The following PIP4K2A variants were observed in gnomAD, a reference collection of about 807,000 sequenced individuals.
PIP4K2A encodes the protein phosphatidylinositol-5-phosphate 4-kinase type 2 alpha, also known as phosphatidylinositol 5-phosphate 4-kinase type-2 alpha.
In PIP4K2A, 14 loss-of-function variants were observed where a neutral mutation model predicts 42.9. The observed-to-expected ratio is 0.33, with a 90% CI of 0.22 to 0.51. The LOEUF (loss-of-function observed/expected upper bound fraction) is 0.51. Ranked by LOEUF, PIP4K2A falls within the 20% of genes least tolerant of loss-of-function variation. The pLI, the probability that PIP4K2A is intolerant of heterozygous loss-of-function variation, is 0.97. For missense variants in PIP4K2A, 434 were observed against 519.8 expected, an observed-to-expected ratio of 0.83 and a Z score of 1.61; for synonymous variants, 192 against 192.2, an observed-to-expected ratio of 1.00 and a Z score of 0.01.
chr10:22,571,966 T>TA (rs1211413637), intron 5 of PIP4K2A, among the ~76,000 whole-genome samples: 4 of 152,256 alleles, frequency 2.6e-5, no homozygotes, highest in African/African-American at 9.6e-5. Flanking sequence ...TTATTTTTCA[T>TA]AAAAATGTTA....
chr10:22,703,681 G>C (rs1296544356), intron 1 of PIP4K2A, among the ~76,000 whole-genome samples: 1 of 152,220 alleles, frequency 6.6e-6, no homozygotes, highest in Non-Finnish European at 1.5e-5. Context: ...GACATGACAT[G>C]AAATCATCTA....
chr10:22,547,715 C>G (rs902507875), intron 7 of PIP4K2A, among the ~76,000 whole-genome samples: 1 of 152,078 alleles, frequency 6.6e-6, no homozygotes, highest in Admixed American at 6.6e-5. Flanking sequence ...GAGGAGAGAC[C>G]AGGGTTGATT....
At position 22,536,414 on chromosome 10, in the gene PIP4K2A, GA is replaced by G; in HGVS notation, c.*786del. On this transcript the variant is annotated 3_prime_UTR_variant, in exon 10 of 10. Coordinates refer to ENST00000376573, the MANE Select transcript of PIP4K2A (RefSeq NM_005028.5). ...TTTTCCTGGACATATTGGCCGAGGT[GA>G]AAAATGTATAGAGAATCACTGGGGC... The G allele has an allele frequency of 7.4e-6, 2 of 271,010 alleles. No homozygotes were observed. The highest frequency in any genetic ancestry group is 1.4e-5 in the Non-Finnish European group (2 of 145,796). The allele number at this position is 271,010 out of a possible 1,614,324, so 16.8% of individuals were successfully genotyped here.
chr10:22,566,609 C>G (rs1217312403), intron 6 of PIP4K2A, among the ~76,000 whole-genome samples: 1 of 152,200 alleles, frequency 6.6e-6, no homozygotes, highest in East Asian at 1.9e-4. Flanking sequence ...TCATCAGCCT[C>G]TCTGACAGGA....
At chr10:22,699,691 T>C (rs1028845567) in intron 1 of PIP4K2A, among the ~76,000 whole-genome samples, 1 of 152,176 alleles carries the variant, frequency 6.6e-6, no homozygotes, top group African/African-American at 2.4e-5. Context: ...AACCAACGAT[T>C]ACATCTTTCT....
intron 1 of PIP4K2A, among the ~76,000 whole-genome samples, chr10:22,623,915 T>C (rs569177995): frequency 6.6e-6 from 1 of 152,314 alleles, no homozygotes; most frequent in African/African-American, 2.4e-5. Flanking sequence ...TTTCATCAGA[T>C]ATGAAAAGAA....
chr10:22,540,191 C>A, intron 8 of PIP4K2A, 117 bp from the exon 9 acceptor site: 1 of 699,998 alleles, frequency 1.4e-6, no homozygotes. Context: ...CAATGGAACG[C>A]GGATGGAAGG....
Position 22,535,153 on chromosome 10 carries a change from C to T in PIP4K2A, c.*2048G>A, listed in dbSNP as rs1340463836. ...TTCTGTAAACTTCTAAAAGCATACA[C>T]AGATTGGCCCCCAAGGAAACAGTTA... On this transcript the variant is annotated 3_prime_UTR_variant, in exon 10 of 10. Coordinates refer to ENST00000376573, the MANE Select transcript of PIP4K2A (RefSeq NM_005028.5). The T allele has an allele frequency of 1.3e-5, 2 of 152,194 alleles. No individual in the cohort carries two copies. The highest frequency in any genetic ancestry group is 2.1e-4 in the South Asian group (1 of 4,828). 9.4% of individuals were successfully genotyped at this position (152,194 alleles called of 1,614,324 possible).
chr10:22,699,857 ACT>A (rs903682339), intron 1 of PIP4K2A, among the ~76,000 whole-genome samples: 3 of 152,178 alleles, frequency 2.0e-5, no homozygotes, highest in Non-Finnish European at 2.9e-5. Context: ...AAACTATGAA[ACT>A]CTATCACCAG....
rs377040174 is a variant in PIP4K2A, at chr10:22,567,710, G to C, written c.678+141C>G. On this transcript the variant is annotated intron_variant, in intron 6 of 9. Transcript: ENST00000376573. ...AGAACTCTCATCGGGTCAATACAGT[G>C]TTTCTCGCTGGTGGCAGCAGAATGG... 3.4e-5 allele frequency: 27 copies of C among 795,866 alleles called. No homozygotes were observed. The African/African-American group carries it at 3.7e-4, about 11-fold the overall frequency. The allele number at this position is 795,866 out of a possible 1,614,324, so 49.3% of individuals were successfully genotyped here. A position where few individuals can be genotyped will look rare whatever the true frequency, so the allele number is the denominator to read the frequency against.
intron 4 of PIP4K2A, among the ~76,000 whole-genome samples, chr10:22,580,596 G>A (rs1288891218): frequency 6.7e-6 from 1 of 149,446 alleles, no homozygotes; most frequent in Non-Finnish European, 1.5e-5. Flanking sequence ...TTCTTTGTAA[G>A]AGTTTAAAGC....
intron 7 of PIP4K2A, among the ~76,000 whole-genome samples, chr10:22,542,910 A>G (rs1256965601): frequency 6.6e-6 from 1 of 152,052 alleles, no homozygotes; most frequent in Non-Finnish European, 1.5e-5. Context: ...TCTGCACAGG[A>G]TCCTGTTCCA....
At chr10:22,568,586 C>A (rs905687992) in intron 5 of PIP4K2A, among the ~76,000 whole-genome samples, 1 of 152,172 alleles carries the variant, frequency 6.6e-6, no homozygotes, top group Non-Finnish European at 1.5e-5. Flanking sequence ...GGCCCTTGAT[C>A]TCAGCAGTTT....
intron 4 of PIP4K2A, among the ~76,000 whole-genome samples, chr10:22,577,035 GCCACTGCA>G (rs960826499): frequency 6.3e-5 from 9 of 142,734 alleles, no homozygotes; most frequent in African/African-American, 2.1e-4. Context: ...CCGAGATTGC[GCCACTGCA>G]CTCTAGCCTG....
chr10:22,712,046 T>C (rs72816870), intron 1 of PIP4K2A, among the ~76,000 whole-genome samples: 1,831 of 152,330 alleles, frequency 0.012, 23 homozygotes, highest in Middle Eastern at 0.082. Context: ...GCCCAATATA[T>C]ATCTGTTGAA....
chr10:22,545,921 G>A (rs1386529225), intron 7 of PIP4K2A, among the ~76,000 whole-genome samples: 1 of 152,126 alleles, frequency 6.6e-6, no homozygotes, highest in Non-Finnish European at 1.5e-5. Flanking sequence ...GTCCAGGCTG[G>A]TCTCAAACAC....
At chr10:22,574,459 T>TTTTTC (rs56330709) in intron 4 of PIP4K2A, among the ~76,000 whole-genome samples, 1 of 150,338 alleles carries the variant, frequency 6.7e-6, no homozygotes, top group African/African-American at 2.4e-5. Flanking sequence ...TTTTTTTTTT[T>TTTTTC]ACAATGAGCA....
chr10:22,547,340 C>T (rs1836281917), intron 7 of PIP4K2A, among the ~76,000 whole-genome samples: 1 of 152,238 alleles, frequency 6.6e-6, no homozygotes, highest in Non-Finnish European at 1.5e-5. Context: ...GTGTTTATGT[C>T]AGAGTAGTTA....
At chr10:22,558,463 A>C (rs1476021781) in intron 6 of PIP4K2A, among the ~76,000 whole-genome samples, 1 of 152,226 alleles carries the variant, frequency 6.6e-6, no homozygotes. Flanking sequence ...ATTTATAATA[A>C]AATCAGTTCT....
Sources: gnomAD v4.1 joint callset for allele counts (sites outside exome capture counted in the v4.1 genomes callset) on GRCh38, gnomAD v4.1.1 for gene constraint, MANE v1.5 for transcripts, NCBI Gene and HGNC (gene_info 2026-07-23, HGNC 2026-07-21) for gene names.